Variants in RELL1 observed in about 807,000 individuals in gnomAD.
The protein encoded by RELL1 is RELT-like protein 1.
Under a neutral mutation model 23.0 loss-of-function variants are expected in RELL1, and 10 were observed. The ratio of observed to expected loss-of-function variants is 0.43; its 90% confidence interval spans 0.27 to 0.74. The LOEUF is 0.74. Ranked by LOEUF, RELL1 falls within the 30% of genes least tolerant of loss-of-function variation. RELL1 has a pLI of 0.19. For missense variants in RELL1, 315 were observed against 364.4 expected (o/e 0.86, Z 1.10); for synonymous variants, 146 against 146.8 (o/e 0.99, Z 0.04).
chr4:37,590,784 T>C (rs754093580), downstream of RELL1: 1 of 1,614,056 alleles, frequency 6.2e-7, no homozygotes, highest in South Asian at 1.1e-5. Flanking sequence ...ATTCATTGAA[T>C]GAGGATGTGG....
intron 3 of RELL1, among the ~76,000 whole-genome samples, chr4:37,642,525 C>T (rs1560342879): frequency 6.6e-6 from 1 of 152,188 alleles, no homozygotes; most frequent in East Asian, 1.9e-4. Context: ...GCAGGTGTGG[C>T]ATAATATGCA....
At chr4:37,657,999 C>G (rs1275607785) in intron 1 of RELL1, among the ~76,000 whole-genome samples, 1 of 152,070 alleles carries the variant, frequency 6.6e-6, no homozygotes, top group African/African-American at 2.4e-5. Flanking sequence ...GTCCCAACTA[C>G]TGGGGAAGCT....
chr4:37,647,015 G>A (rs752654722), intron 3 of RELL1, among the ~76,000 whole-genome samples: 5 of 152,220 alleles, frequency 3.3e-5, no homozygotes, highest in African/African-American at 7.2e-5. Flanking sequence ...GTGAGCCACC[G>A]TGCCAGGCTG....
intron 1 of RELL1, among the ~76,000 whole-genome samples, chr4:37,667,164 C>T (rs1039969710): frequency 6.6e-6 from 1 of 152,038 alleles, no homozygotes; most frequent in Non-Finnish European, 1.5e-5. Flanking sequence ...ATGAATGTCA[C>T]TAGCATGAAA....
At chr4:37,647,053 A>G (rs758447699) in intron 3 of RELL1, among the ~76,000 whole-genome samples, 1 of 152,182 alleles carries the variant, frequency 6.6e-6, no homozygotes, top group Non-Finnish European at 1.5e-5. Flanking sequence ...CTCATTTTAC[A>G]GGAAGAAACT....
Position 37,604,858 on chromosome 4 carries a change from C to T in RELL1, c.*4-13641G>A, listed in dbSNP as rs1314053040. Among the ~76,000 whole-genome samples, 897 of 109,460 alleles carry T rather than the reference C, an allele frequency of 8.2e-3. 31 individuals carry two copies. Among genetic ancestry groups the T allele is most frequent in the East Asian group, 0.051 (165 of 3,224 alleles). 71.8% of individuals were successfully genotyped at this position (109,460 alleles called of 152,430 possible). ...ACACACAGACACACACACAGACACA[C>T]ACACACAGACACACACACACATACA... On this transcript the variant is annotated intron_variant, in intron 6 of 6. Coordinates refer to the RELL1 transcript ENST00000314117.
At chr4:37,630,427 T>G (rs1314923775) in intron 6 of RELL1, among the ~76,000 whole-genome samples, 1 of 136,392 alleles carries the variant, frequency 7.3e-6, no homozygotes, top group East Asian at 2.5e-4. Context: ...TGCAGTGGCG[T>G]GATCTCGGCT....
intron 5 of RELL1, among the ~76,000 whole-genome samples, chr4:37,633,179 C>T (rs150092498): frequency 6.6e-6 from 1 of 152,124 alleles, no homozygotes; most frequent in Non-Finnish European, 1.5e-5. Flanking sequence ...GAGGCCAAGA[C>T]AGGTGGATCA....
At chr4:37,597,934 C>G (rs1453572390) in intron 6 of RELL1, among the ~76,000 whole-genome samples, 1 of 151,590 alleles carries the variant, frequency 6.6e-6, no homozygotes, top group Non-Finnish European at 1.5e-5. Context: ...GCCTGTAATC[C>G]CAGCTACTTG....
intron 1 of RELL1, among the ~76,000 whole-genome samples, chr4:37,668,139 T>C (rs915702606): frequency 6.6e-6 from 1 of 152,196 alleles, no homozygotes; most frequent in African/African-American, 2.4e-5. Flanking sequence ...ATTTTAATTA[T>C]TCACAGTAAA....
At chr4:37,638,599 CT>C in intron 3 of RELL1, 95 bp from the exon 4 acceptor site, 1 of 948,480 alleles carries the variant, frequency 1.1e-6, no homozygotes, top group South Asian at 1.7e-5. Context: ...TAATTCCATT[CT>C]TTCAGTTCAT....
At chr4:37,680,745 G>A (rs536159374) in intron 1 of RELL1, among the ~76,000 whole-genome samples, 2 of 152,104 alleles carry the variant, frequency 1.3e-5, no homozygotes, top group African/African-American at 2.4e-5. Flanking sequence ...TGGCTAACAC[G>A]GTGAAACACT....
intron 6 of RELL1, among the ~76,000 whole-genome samples, chr4:37,631,019 C>T (rs527361436): frequency 6.6e-6 from 1 of 151,224 alleles, no homozygotes; most frequent in South Asian, 2.1e-4. Flanking sequence ...TCTTTTTTTG[C>T]GTAAGAAGAT....
intron 6 of RELL1, among the ~76,000 whole-genome samples, chr4:37,604,914 CACACAGACACACACACACAG>C (rs1719144378): frequency 4.8e-5 from 2 of 42,028 alleles, no homozygotes; most frequent in Admixed American, 3.1e-4. Flanking sequence ...CACACACACA[CACACAGACACACACACACAG>C]ACACACACAT....
At chr4:37,662,874 C>T (rs1415944658) in intron 1 of RELL1, among the ~76,000 whole-genome samples, 1 of 152,098 alleles carries the variant, frequency 6.6e-6, no homozygotes. Flanking sequence ...AACTTCTGGA[C>T]TCTTCCAGAG....
rs1400444031 is a variant in RELL1, at chr4:37,677,470, A to G, written c.88+8730T>C. 3.9e-5 allele frequency among the ~76,000 whole-genome samples: 6 copies of G among 152,262 alleles called. No individual in the cohort carries two copies. In the East Asian group the frequency reaches 1.2e-3, roughly 29 times the overall value. ...CTCATCAAAGAGCCACGAGAAGATG[A>G]ACAATAAGCACTCAGACCCTGGATA... On this transcript the variant is annotated intron_variant, in intron 1 of 6. Transcript: ENST00000454158.
At chr4:37,661,794 A>G (rs1721366582) in intron 1 of RELL1, among the ~76,000 whole-genome samples, 2 of 152,240 alleles carry the variant, frequency 1.3e-5, no homozygotes, top group African/African-American at 2.4e-5. Flanking sequence ...GAGAGAACAA[A>G]TGGGCTTAAA....
chr4:37,684,340 A>C (rs1172934911), intron 1 of RELL1, among the ~76,000 whole-genome samples: 1 of 148,414 alleles, frequency 6.7e-6, no homozygotes, highest in African/African-American at 2.6e-5. Flanking sequence ...CTTCCGCATT[A>C]ATTTTCATCA....
At chr4:37,626,614 T>C (rs572980142) in intron 6 of RELL1, among the ~76,000 whole-genome samples, 2 of 152,220 alleles carry the variant, frequency 1.3e-5, no homozygotes, top group South Asian at 4.1e-4. Context: ...ATTATCCCAA[T>C]AGCCAAGATA....
Sources: gnomAD v4.1 joint callset for allele counts (sites outside exome capture counted in the v4.1 genomes callset) on GRCh38, gnomAD v4.1.1 for gene constraint, MANE v1.5 for transcripts, NCBI Gene and HGNC (gene_info 2026-07-23, HGNC 2026-07-21) for gene names.